The following SLC9A9 variants were observed in gnomAD, a reference collection of about 807,000 sequenced individuals.
SLC9A9 encodes the protein solute carrier family 9 member A9.
SLC9A9 carries 62 observed loss-of-function variants against 77.8 expected under a neutral mutation model. The observed-to-expected ratio is 0.80, with a 90% CI of 0.65 to 0.98. The LOEUF is 0.98. SLC9A9 is among the 50% of genes least tolerant of loss of function. The probability of loss-of-function intolerance (pLI) is 0.00; values close to 1 mark genes in which losing one functional copy is unlikely to be tolerated. For missense variants in SLC9A9, 775 were observed against 774.9 expected (o/e 1.00, Z 0.00); for synonymous variants, 320 against 283.5 (o/e 1.13, Z -1.29).
In SLC9A9 at chr3:143,346,200, T is replaced by C. The variant is rs114254064; in HGVS notation, c.1604+17284A>G. 9.9e-3 allele frequency among the ~76,000 whole-genome samples: 1,514 copies of C among 152,202 alleles called. 29 individuals carry two copies. The highest frequency in any genetic ancestry group is 0.035 in the African/African-American group (1,442 of 41,526). On this transcript the variant is annotated intron_variant, in intron 14 of 15. Transcript: ENST00000316549. ...AAACTCTCTCAGCATAAAAAACCTATGGAAAAAATACTTTTGCCTTTTCAC... is the reference window on the plus strand; with the variant it reads ...AAACTCTCTCAGCATAAAAAACCTACGGAAAAAATACTTTTGCCTTTTCAC...
chr3:143,764,323 G>C (rs1438955598), intron 4 of SLC9A9, among the ~76,000 whole-genome samples: 1 of 152,164 alleles, frequency 6.6e-6, no homozygotes, highest in Non-Finnish European at 1.5e-5. Flanking sequence ...CTGTGCAGCA[G>C]ACTGGAGAAA....
At chr3:143,374,220 T>C (rs1369225843) in intron 13 of SLC9A9, among the ~76,000 whole-genome samples, 3 of 151,586 alleles carry the variant, frequency 2.0e-5, no homozygotes, top group Non-Finnish European at 4.4e-5. Flanking sequence ...GGTCAGGAGA[T>C]CGAGACCATC....
rs1394012858 is a variant in SLC9A9 at position 143,428,268 on chromosome 3, T to TAGACATTCTGAAC, written c.1469+38768_1469+38769insGTTCAGAATGTCT. On this transcript the variant is annotated intron_variant, in intron 12 of 15. Coordinates refer to ENST00000316549, the MANE Select transcript of SLC9A9 (RefSeq NM_173653.4). ...ATTAAAAATGGATAAAAGACCTGAA[T>TAGACATTCTGAAC]AGACATTCTGAATAGACATTTTTCA... Among the ~76,000 whole-genome samples, 6 of 152,140 alleles carry TAGACATTCTGAAC rather than the reference T, an allele frequency of 3.9e-5. No individual in the cohort carries two copies. In the East Asian group the frequency reaches 1.2e-3, roughly 29 times the overall value.
At chr3:143,326,534 C>T (rs112797951) in intron 14 of SLC9A9, among the ~76,000 whole-genome samples, 19 of 152,206 alleles carry the variant, frequency 1.2e-4, no homozygotes, top group African/African-American at 4.6e-4. Flanking sequence ...CAACGTGCCC[C>T]CTCCCCCCAG....
At chr3:143,633,101 C>T (rs2038454292) in intron 6 of SLC9A9, among the ~76,000 whole-genome samples, 1 of 152,176 alleles carries the variant, frequency 6.6e-6, no homozygotes, top group Non-Finnish European at 1.5e-5. Context: ...TACTATGTTC[C>T]TATCCATTCA....
At chr3:143,388,073 T>C (rs2033468241) in intron 12 of SLC9A9, among the ~76,000 whole-genome samples, 2 of 152,038 alleles carry the variant, frequency 1.3e-5, no homozygotes, top group African/African-American at 4.8e-5. Context: ...TGTAAAAAAA[T>C]GACATTTTCA....
chr3:143,350,065 C>T (rs974837445), intron 14 of SLC9A9, among the ~76,000 whole-genome samples: 1 of 152,058 alleles, frequency 6.6e-6, no homozygotes, highest in African/African-American at 2.4e-5. Flanking sequence ...ATTGTCTCCC[C>T]ACAAGAGTAG....
At chr3:143,349,288 A>G (rs2032386149) in intron 14 of SLC9A9, among the ~76,000 whole-genome samples, 2 of 152,126 alleles carry the variant, frequency 1.3e-5, no homozygotes, top group East Asian at 1.9e-4. Flanking sequence ...GATGGTGATA[A>G]TCTTTTTGCT....
At chr3:143,597,785 G>A (rs899091821) in intron 6 of SLC9A9, among the ~76,000 whole-genome samples, 3 of 152,224 alleles carry the variant, frequency 2.0e-5, no homozygotes, top group African/African-American at 7.2e-5. Context: ...CAGGAGCCAA[G>A]TGGTTCCTAT....
chr3:143,688,526 A>C (rs897061369), intron 5 of SLC9A9, among the ~76,000 whole-genome samples: 1 of 152,064 alleles, frequency 6.6e-6, no homozygotes, highest in African/African-American at 2.4e-5. Context: ...GAAGAGAACA[A>C]CCTTAACTAG....
chr3:143,529,412 C>A lies in SLC9A9; in HGVS notation c.1089+22950G>T, dbSNP rs114635861. On this transcript the variant is annotated intron_variant, in intron 9 of 15. Transcript: ENST00000316549. The stretch of plus-strand genomic sequence containing the variant: ...CATTTTTAATTCTTTGATATGTAAT[C>A]CTCTCTAGGGGTGTGGATAAAACAA... Among the ~76,000 whole-genome samples the A allele has an allele frequency of 2.1e-3, 326 of 152,204 alleles. 1 individual carries two copies. The highest frequency in any genetic ancestry group is 7.6e-3 in the African/African-American group (314 of 41,532).
intron 14 of SLC9A9, among the ~76,000 whole-genome samples, chr3:143,284,993 T>C (rs1938342488): frequency 6.6e-6 from 1 of 152,220 alleles, no homozygotes; most frequent in African/African-American, 2.4e-5. Context: ...TGTGCTGATA[T>C]CAATGGTTCT....
chr3:143,480,958 A>G (rs888578675), intron 11 of SLC9A9, among the ~76,000 whole-genome samples: 3 of 152,202 alleles, frequency 2.0e-5, no homozygotes, highest in African/African-American at 7.2e-5. Context: ...CCAGACTCTC[A>G]GCTAACTCTT....
chr3:143,534,363 G>A lies in SLC9A9; in HGVS notation c.1089+17999C>T, dbSNP rs549204647. ...AAAAGTGTGACCATGAAGTTTGATG[G>A]CCTGTACAATGTGAATATTTTATAC... On this transcript the variant is annotated intron_variant, in intron 9 of 15. Transcript: ENST00000316549. 2.0e-5 allele frequency among the ~76,000 whole-genome samples: 3 copies of A among 152,292 alleles called. No homozygotes were observed. In the South Asian group the frequency reaches 6.2e-4, roughly 32 times the overall value.
chr3:143,266,947 G>A lies in SLC9A9; in HGVS notation c.1711-18C>T. ...AGCTGTTCCTGGTTGGGAAAAGAGA[G>A]AGAGGTGTCACTTCATGATGAAGGC... On this transcript the variant is annotated intron_variant, in intron 15 of 15. Coordinates refer to ENST00000316549, the MANE Select transcript of SLC9A9 (RefSeq NM_173653.4). The A allele has an allele frequency of 6.2e-7, 1 of 1,611,716 alleles. No individual in the cohort carries two copies. Among genetic ancestry groups the A allele is most frequent in the Non-Finnish European group, 8.5e-7 (1 of 1,177,934 alleles).
intron 4 of SLC9A9, among the ~76,000 whole-genome samples, chr3:143,775,618 T>C (rs2007663791): frequency 6.6e-6 from 1 of 152,214 alleles, no homozygotes; most frequent in Non-Finnish European, 1.5e-5. Context: ...CCGTGTACCA[T>C]TTACCGGGTA....
At chr3:143,286,582 G>C (rs1278164035) in intron 14 of SLC9A9, among the ~76,000 whole-genome samples, 1 of 152,216 alleles carries the variant, frequency 6.6e-6, no homozygotes, top group Non-Finnish European at 1.5e-5. Flanking sequence ...ATCCCAACCT[G>C]CCTTTCAGCT....
intron 6 of SLC9A9, among the ~76,000 whole-genome samples, chr3:143,597,776 A>G (rs2037781338): frequency 6.6e-6 from 1 of 152,234 alleles, no homozygotes; most frequent in Non-Finnish European, 1.5e-5. Flanking sequence ...ACTGGCAGGC[A>G]GGAGCCAAGT....
At chr3:143,319,550 G>C (rs1204781838) in intron 14 of SLC9A9, among the ~76,000 whole-genome samples, 1 of 152,152 alleles carries the variant, frequency 6.6e-6, no homozygotes. Context: ...TCTTCCCCGC[G>C]TTTTCATCTG....
Sources: gnomAD v4.1 joint callset for allele counts (sites outside exome capture counted in the v4.1 genomes callset) on GRCh38, gnomAD v4.1.1 for gene constraint, MANE v1.5 for transcripts, NCBI Gene and HGNC (gene_info 2026-07-23, HGNC 2026-07-21) for gene names.